Variants in COL4A1 observed in about 807,000 individuals in gnomAD.
COL4A1 encodes collagen type IV alpha 1 chain.
In COL4A1, 40 loss-of-function variants were observed where a neutral mutation model predicts 216.6. That is an observed-to-expected ratio of 0.18 (90% CI 0.14 to 0.24). The LOEUF is 0.24. COL4A1 is among the 10% of genes least tolerant of loss of function. The probability of loss-of-function intolerance (pLI) is 1.00; values close to 1 mark genes in which losing one functional copy is unlikely to be tolerated. For missense variants in COL4A1, 1,628 were observed against 2,196.8 expected (o/e 0.74, Z 5.18); for synonymous variants, 839 against 810.7 (o/e 1.03, Z -0.59).
At chr13:110,172,071 T>C (rs1877670172) in intron 41 of COL4A1, among the ~76,000 whole-genome samples, 1 of 152,218 alleles carries the variant, frequency 6.6e-6, no homozygotes. Flanking sequence ...TCCAGGGCTT[T>C]CTGAATCCTC....
At chr13:110,305,418 G>A (rs1054235715) in intron 1 of COL4A1, among the ~76,000 whole-genome samples, 1 of 152,242 alleles carries the variant, frequency 6.6e-6, no homozygotes, top group African/African-American at 2.4e-5. Flanking sequence ...AGCTCTTACA[G>A]TTAGCTTTCT....
chr13:110,218,377 G>A (rs1880197387), intron 2 of COL4A1, among the ~76,000 whole-genome samples: 2 of 152,178 alleles, frequency 1.3e-5, no homozygotes, highest in Non-Finnish European at 2.9e-5. Context: ...ATGAGTACGG[G>A]TACCGGGTTT....
chr13:110,221,985 C>CTGGAAACACT (rs1293527072), intron 2 of COL4A1, among the ~76,000 whole-genome samples: 2 of 152,334 alleles, frequency 1.3e-5, no homozygotes, highest in Non-Finnish European at 2.9e-5. Context: ...AGTGCGTTCT[C>CTGGAAACACT]TGGAAACACT....
chr13:110,299,975 TG>T (rs1389661496), intron 1 of COL4A1, among the ~76,000 whole-genome samples: 26 of 152,356 alleles, frequency 1.7e-4, no homozygotes, highest in African/African-American at 5.5e-4. Flanking sequence ...AATGCCACTG[TG>T]CTCAGAAATC....
intron 1 of COL4A1, among the ~76,000 whole-genome samples, chr13:110,290,052 CA>C (rs1884024884): frequency 6.6e-6 from 1 of 152,192 alleles, no homozygotes; most frequent in African/African-American, 2.4e-5. Flanking sequence ...AGCACCCTCG[CA>C]GGGGCGTCAC....
chr13:110,214,146 T>C, intron 2 of COL4A1, 131 bp from the exon 3 acceptor site: 1 of 755,206 alleles, frequency 1.3e-6, no homozygotes, highest in Non-Finnish European at 2.3e-6. Flanking sequence ...CAGGCTGGAG[T>C]GCATGCACGA....
At chr13:110,185,467 GTTTT>G (rs1180337803) in intron 26 of COL4A1, among the ~76,000 whole-genome samples, 2 of 152,178 alleles carry the variant, frequency 1.3e-5, no homozygotes, top group Admixed American at 1.3e-4. Flanking sequence ...AAATAACTAT[GTTTT>G]TTAAGGTTTA....
At chr13:110,283,397 G>C (rs1293232634) in intron 1 of COL4A1, among the ~76,000 whole-genome samples, 2 of 152,202 alleles carry the variant, frequency 1.3e-5, no homozygotes, top group Non-Finnish European at 2.9e-5. Context: ...CTAATGTAGG[G>C]AGATGAGAAT....
chr13:110,193,837 G>A (rs1043366465), intron 22 of COL4A1, among the ~76,000 whole-genome samples: 5 of 152,202 alleles, frequency 3.3e-5, no homozygotes, highest in South Asian at 4.1e-4. Flanking sequence ...GAAGGGGCAC[G>A]GTACAACACA....
chr13:110,251,167 G>A (rs764193519), intron 1 of COL4A1, among the ~76,000 whole-genome samples: 21 of 152,248 alleles, frequency 1.4e-4, no homozygotes, highest in Non-Finnish European at 2.6e-4. Flanking sequence ...GCTCCCGGCT[G>A]TGCTGAAGGG....
At chr13:110,301,502 G>A (rs949714249) in intron 1 of COL4A1, among the ~76,000 whole-genome samples, 4 of 152,168 alleles carry the variant, frequency 2.6e-5, no homozygotes, top group Non-Finnish European at 5.9e-5. Flanking sequence ...TACCCTCACT[G>A]TATGTATTAG....
chr13:110,171,343 C>T (rs73609561), intron 41 of COL4A1, among the ~76,000 whole-genome samples: 11,443 of 151,664 alleles, frequency 0.075, 433 homozygotes, highest in East Asian at 0.11. Context: ...TATGAAGCCA[C>T]GGAGGAGACT....
intron 2 of COL4A1, among the ~76,000 whole-genome samples, chr13:110,236,556 C>A (rs1881325749): frequency 6.6e-6 from 1 of 152,192 alleles, no homozygotes. Flanking sequence ...GAGGCAGAGG[C>A]ACAAGTCGAT....
intron 46 of COL4A1, among the ~76,000 whole-genome samples, chr13:110,164,514 C>T (rs758798360): frequency 6.6e-6 from 1 of 152,074 alleles, no homozygotes; most frequent in African/African-American, 2.4e-5. Context: ...TGGAGAGCAC[C>T]GATTTTTACC....
At chr13:110,272,583 G>C (rs771731314) in intron 1 of COL4A1, among the ~76,000 whole-genome samples, 23 of 152,160 alleles carry the variant, frequency 1.5e-4, no homozygotes, top group Non-Finnish European at 3.1e-4. Flanking sequence ...AAAGAAAAGG[G>C]GGGGAACTCT....
Position 110,169,750 on chromosome 13 carries a change from GGTCCCGGAA to G in COL4A1, c.3746_3754del (p.Leu1249_Gly1251del). The stretch of plus-strand genomic sequence containing the variant: ...CCCAGGAAGCCCTGGAGGCCCCATG[GGTCCCGGAA>G]GTCCTAATGGAAGAGAAGAAAGCCA... On this transcript the variant is annotated inframe_deletion, in exon 43 of 52. Coordinates refer to ENST00000375820, the MANE Select transcript of COL4A1 (RefSeq NM_001845.6). 6.2e-7 allele frequency: 1 copy of G among 1,613,962 alleles called. No individual in the cohort carries two copies. Among genetic ancestry groups the G allele is most frequent in the Non-Finnish European group, 8.5e-7 (1 of 1,180,010 alleles).
At chr13:110,202,620 A>G (rs764293802) in intron 18 of COL4A1, among the ~76,000 whole-genome samples, 5 of 152,240 alleles carry the variant, frequency 3.3e-5, no homozygotes, top group Non-Finnish European at 7.3e-5. Context: ...GGAAGGCAGC[A>G]AAGGAGAGAA....
chr13:110,187,911 AAG>A (rs772437001), intron 24 of COL4A1, among the ~76,000 whole-genome samples: 19 of 152,170 alleles, frequency 1.2e-4, no homozygotes, highest in Non-Finnish European at 2.5e-4. Context: ...AGAATTCCAG[AAG>A]AGATAAGGAC....
intron 22 of COL4A1, 32 bp downstream of exon 22, chr13:110,194,991 A>T (rs1481490017): frequency 6.3e-7 from 1 of 1,586,336 alleles, no homozygotes; most frequent in South Asian, 1.1e-5. Context: ...CAAAGACACA[A>T]CCACCATTTT....
Sources: allele counts gnomAD v4.1 joint callset (sites outside exome capture counted in the v4.1 genomes callset), GRCh38; gene constraint gnomAD v4.1.1; transcripts MANE v1.5; gene names NCBI Gene and HGNC (gene_info 2026-07-23, HGNC 2026-07-21).